Variants in ADARB2 observed in about 807,000 individuals in gnomAD.
The protein encoded by ADARB2 is inactive double-stranded RNA-specific editase B2.
In ADARB2, 25 loss-of-function variants were observed where a neutral mutation model predicts 62.2. The observed-to-expected ratio is 0.40, with a 90% CI of 0.29 to 0.56. The LOEUF is 0.56. Among genes scored for constraint, ADARB2 ranks in the 20% least tolerant of loss-of-function variants. ADARB2 has a pLI of 0.43. For synonymous variants in ADARB2, 572 were observed against 500.8 expected, an observed-to-expected ratio of 1.14 and a Z score of -1.90; for missense variants, 1,071 against 1,077.4, an observed-to-expected ratio of 0.99 and a Z score of 0.08.
At chr10:1,280,634 G>C (rs981221014) in intron 3 of ADARB2, among the ~76,000 whole-genome samples, 1 of 150,556 alleles carries the variant, frequency 6.6e-6, no homozygotes, top group Non-Finnish European at 1.5e-5. Context: ...GTGATGCTCC[G>C]TGAAATTCCT....
At chr10:1,258,892 G>C (rs1419972092) in intron 4 of ADARB2, among the ~76,000 whole-genome samples, 3 of 152,110 alleles carry the variant, frequency 2.0e-5, no homozygotes, top group Non-Finnish European at 4.4e-5. Flanking sequence ...TGACCACATA[G>C]TTGGAAGTAA....
chr10:1,210,750 C>T (rs950662017), intron 7 of ADARB2, among the ~76,000 whole-genome samples: 6 of 152,192 alleles, frequency 3.9e-5, no homozygotes, highest in African/African-American at 7.2e-5. Context: ...CTTTGTACCT[C>T]GTGGGGGTGT....
At chr10:1,626,767 C>T (rs532593717) in intron 1 of ADARB2, among the ~76,000 whole-genome samples, 33 of 152,308 alleles carry the variant, frequency 2.2e-4, no homozygotes, top group African/African-American at 7.0e-4. Context: ...CAAAGCAACC[C>T]GCACGGTCTG....
intron 3 of ADARB2, among the ~76,000 whole-genome samples, chr10:1,342,797 A>G (rs1025441108): frequency 5.3e-5 from 8 of 152,200 alleles, no homozygotes; most frequent in Admixed American, 3.9e-4. Flanking sequence ...ATCAGTTCTC[A>G]TCTTCTCTCC....
intron 1 of ADARB2, among the ~76,000 whole-genome samples, chr10:1,408,601 C>T (rs1367535906): frequency 6.6e-6 from 1 of 152,182 alleles, no homozygotes; most frequent in African/African-American, 2.4e-5. Context: ...CCCTTGCCAG[C>T]CGTGAGTGCA....
At chr10:1,493,119 A>T (rs1198287841) in intron 1 of ADARB2, among the ~76,000 whole-genome samples, 2 of 152,218 alleles carry the variant, frequency 1.3e-5, no homozygotes, top group African/African-American at 4.8e-5. Context: ...TGCAACAGCC[A>T]CCACCTAATG....
intron 8 of ADARB2, chr10:1,188,048 C>CGG (rs1836786065): frequency 6.3e-6 from 1 of 159,310 alleles, no homozygotes; most frequent in African/African-American, 2.4e-5. Context: ...TCCATGACCC[C>CGG]GGAGGTGGAA....
intron 4 of ADARB2, among the ~76,000 whole-genome samples, chr10:1,262,527 CA>C (rs932839903): frequency 3.8e-4 from 57 of 151,192 alleles, no homozygotes; most frequent in African/African-American, 1.3e-3. Flanking sequence ...AAAAAACACA[CA>C]AAAAAATGCT....
At chr10:1,579,569 C>G (rs1783235333) in intron 1 of ADARB2, among the ~76,000 whole-genome samples, 1 of 152,168 alleles carries the variant, frequency 6.6e-6, no homozygotes, top group African/African-American at 2.4e-5. Flanking sequence ...CTCTAAAATA[C>G]TCTCCAGTGA....
chr10:1,628,298 T>G (rs1201014641), intron 1 of ADARB2, among the ~76,000 whole-genome samples: 4 of 152,256 alleles, frequency 2.6e-5, no homozygotes, highest in African/African-American at 4.8e-5. Context: ...CCGTGGGTAG[T>G]GCCTGTGATT....
At chr10:1,582,355 G>A (rs1833115800) in intron 1 of ADARB2, among the ~76,000 whole-genome samples, 1 of 152,144 alleles carries the variant, frequency 6.6e-6, no homozygotes, top group Non-Finnish European at 1.5e-5. Context: ...ACTGGGGTCT[G>A]CCCAGCACTG....
At chr10:1,694,900 C>A (rs1834719821) in intron 1 of ADARB2, among the ~76,000 whole-genome samples, 1 of 152,078 alleles carries the variant, frequency 6.6e-6, no homozygotes, top group African/African-American at 2.4e-5. Context: ...ACCTGAGCCA[C>A]GTGCATCCTG....
chr10:1,507,730 G>T, intron 1 of ADARB2, among the ~76,000 whole-genome samples: 1 of 152,204 alleles, frequency 6.6e-6, no homozygotes, highest in East Asian at 1.9e-4. Flanking sequence ...CCCGCTTGTT[G>T]TGAGTCCTAA....
intron 1 of ADARB2, among the ~76,000 whole-genome samples, chr10:1,571,152 C>G (rs1832928495): frequency 6.6e-6 from 1 of 152,204 alleles, no homozygotes; most frequent in Non-Finnish European, 1.5e-5. Flanking sequence ...AGAAAGCCCA[C>G]TCTAAAGTCT....
chr10:1,475,173 C>A (rs1347403561), intron 1 of ADARB2, among the ~76,000 whole-genome samples: 1 of 152,168 alleles, frequency 6.6e-6, no homozygotes, highest in Non-Finnish European at 1.5e-5. Context: ...CAGGAGCCCC[C>A]CCGGGGCAGG....
At chr10:1,632,191 A>G (rs1422779298) in intron 1 of ADARB2, among the ~76,000 whole-genome samples, 1 of 152,218 alleles carries the variant, frequency 6.6e-6, no homozygotes, top group East Asian at 1.9e-4. Flanking sequence ...AACAACATAG[A>G]TCTTAAACAT....
At chr10:1,310,112 CTTTG>C (rs1018180115) in intron 3 of ADARB2, among the ~76,000 whole-genome samples, 8 of 152,208 alleles carry the variant, frequency 5.3e-5, no homozygotes, top group African/African-American at 1.7e-4. Flanking sequence ...TTTCCTGCTG[CTTTG>C]TTTATTAAGT....
At chr10:1,406,116 C>CT (rs1471052865) in intron 1 of ADARB2, among the ~76,000 whole-genome samples, 4 of 152,226 alleles carry the variant, frequency 2.6e-5, no homozygotes, top group African/African-American at 9.6e-5. Context: ...ATGTGTTATT[C>CT]TTTTTAAAAT....
intron 1 of ADARB2, among the ~76,000 whole-genome samples, chr10:1,709,277 C>T (rs1463337975): frequency 1.3e-5 from 2 of 152,304 alleles, no homozygotes; most frequent in African/African-American, 2.4e-5. Flanking sequence ...CACAAGTTCC[C>T]TCTGATGAGG....
Sources: allele counts gnomAD v4.1 joint callset (sites outside exome capture counted in the v4.1 genomes callset), GRCh38; gene constraint gnomAD v4.1.1; transcripts MANE v1.5; gene names NCBI Gene and HGNC (gene_info 2026-07-23, HGNC 2026-07-21).